Variants in STARD13 observed in about 807,000 individuals in gnomAD.
STARD13 encodes StAR related lipid transfer domain containing 13.
STARD13 carries 62 observed loss-of-function variants against 106.4 expected under a neutral mutation model. The observed-to-expected ratio is 0.58, with a 90% CI of 0.48 to 0.72. The LOEUF is 0.72. Among genes scored for constraint, STARD13 ranks in the 30% least tolerant of loss-of-function variants. The pLI is 0.00. For missense variants in STARD13, 1,387 were observed against 1,424.0 expected (o/e 0.97, Z 0.42); for synonymous variants, 565 against 553.0 (o/e 1.02, Z -0.31).
chr13:33,137,247 G>A (rs1879175440), intron 4 of STARD13, among the ~76,000 whole-genome samples: 2 of 152,194 alleles, frequency 1.3e-5, no homozygotes, highest in African/African-American at 4.8e-5. Context: ...ACTGACAGTT[G>A]AGAAACTGTT....
At chr13:33,400,234 A>C in the STARD13 span, among the ~76,000 whole-genome samples, 5 of 152,134 alleles carry the variant, frequency 3.3e-5, no homozygotes. Context: ...GTGTCTTCAT[A>C]TGTGTTACTT....
chr13:33,467,331 G>C, the STARD13 span, among the ~76,000 whole-genome samples: 13 of 152,030 alleles, frequency 8.6e-5, no homozygotes, highest in Non-Finnish European at 1.9e-4. Context: ...GCACAATTCA[G>C]AGTAGGGTTT....
chr13:33,351,888 T>TCTACACTTCTG (rs895161915), upstream of STARD13, among the ~76,000 whole-genome samples: 11 of 152,352 alleles, frequency 7.2e-5, no homozygotes, highest in East Asian at 1.4e-3. Context: ...AAGTATTCCC[T>TCTACACTTCTG]CTACACTTCT....
At chr13:33,535,726 T>C in the STARD13 span, among the ~76,000 whole-genome samples, 1 of 152,188 alleles carries the variant, frequency 6.6e-6, no homozygotes, top group Non-Finnish European at 1.5e-5. Flanking sequence ...CTGAAGTAAA[T>C]ATGTTCTAGC....
intron 1 of STARD13, among the ~76,000 whole-genome samples, chr13:33,190,991 C>T (rs533257580): frequency 1.3e-5 from 2 of 152,234 alleles, no homozygotes; most frequent in South Asian, 4.1e-4. Context: ...AAACAAAATA[C>T]CAAGTATTAC....
the STARD13 span, among the ~76,000 whole-genome samples, chr13:33,476,704 T>C: frequency 0.29 from 44,193 of 152,208 alleles, 7,542 homozygotes; most frequent in Non-Finnish European, 0.39. Flanking sequence ...TTTAAAGTGC[T>C]GCAGGCAATA....
chr13:33,153,559 T>G (rs968574096), intron 3 of STARD13, among the ~76,000 whole-genome samples: 5 of 151,960 alleles, frequency 3.3e-5, no homozygotes, highest in African/African-American at 1.2e-4. Context: ...AGCAGGGGCG[T>G]TTGACTCAAG....
At chr13:33,360,724 G>GGAATCCTTCTGTGTA in the STARD13 span, among the ~76,000 whole-genome samples, 65 of 137,968 alleles carry the variant, frequency 4.7e-4, no homozygotes, top group Middle Eastern at 3.9e-3. Flanking sequence ...GTAGACAGAA[G>GGAATCCTTCTGTGTA]GACATATTGT....
the STARD13 span, among the ~76,000 whole-genome samples, chr13:33,361,179 C>T: frequency 6.6e-6 from 1 of 151,408 alleles, no homozygotes; most frequent in Non-Finnish European, 1.5e-5. Flanking sequence ...TTCCTCTGCC[C>T]TCCGAGACAG....
At chr13:33,220,322 G>C (rs1888285032) in intron 1 of STARD13, among the ~76,000 whole-genome samples, 1 of 152,176 alleles carries the variant, frequency 6.6e-6, no homozygotes. Context: ...TATTATTTTA[G>C]ATTCTAGAGA....
the STARD13 span, among the ~76,000 whole-genome samples, chr13:33,543,513 TAACA>T: frequency 0.22 from 33,240 of 152,020 alleles, 3,963 homozygotes; most frequent in East Asian, 0.42. Flanking sequence ...CTTGGAGTAC[TAACA>T]GAGTTGTTCT....
At chr13:33,404,035 C>T in the STARD13 span, among the ~76,000 whole-genome samples, 1 of 152,150 alleles carries the variant, frequency 6.6e-6, no homozygotes, top group Non-Finnish European at 1.5e-5. Context: ...AACCTTTCAT[C>T]GTTAGTTTAA....
chr13:33,675,172 C>T, the STARD13 span, among the ~76,000 whole-genome samples: 1 of 152,222 alleles, frequency 6.6e-6, no homozygotes, highest in Admixed American at 6.5e-5. Flanking sequence ...CAGAGAGCCA[C>T]TCTCAGTTCC....
At chr13:33,376,938 C>T in the STARD13 span, among the ~76,000 whole-genome samples, 1 of 152,128 alleles carries the variant, frequency 6.6e-6, no homozygotes, top group Non-Finnish European at 1.5e-5. Context: ...GGCCTGGGGC[C>T]ACTGTGGGGA....
chr13:33,455,766 T>TAAA, the STARD13 span, among the ~76,000 whole-genome samples: 2 of 151,828 alleles, frequency 1.3e-5, no homozygotes, highest in African/African-American at 4.8e-5. Context: ...CCGTCTCTAC[T>TAAA]AAAAAAACAA....
chr13:33,226,089 G>T (rs1204617093), intron 1 of STARD13, among the ~76,000 whole-genome samples: 3 of 152,214 alleles, frequency 2.0e-5, no homozygotes, highest in Non-Finnish European at 4.4e-5. Flanking sequence ...CCATCTGCAA[G>T]CCAGGCATAG....
At chr13:33,491,529 T>C in the STARD13 span, among the ~76,000 whole-genome samples, 3 of 152,326 alleles carry the variant, frequency 2.0e-5, no homozygotes, top group Admixed American at 2.0e-4. Flanking sequence ...TCATCAGTGA[T>C]CTGTGAGACC....
intron 10 of STARD13, 117 bp downstream of exon 10, chr13:33,111,661 C>T (rs1229109944): frequency 5.2e-5 from 35 of 673,148 alleles, no homozygotes. Context: ...ATAACATATA[C>T]TATTGTCATA....
At chr13:33,198,833 C>A (rs1886817639) in intron 1 of STARD13, among the ~76,000 whole-genome samples, 1 of 152,220 alleles carries the variant, frequency 6.6e-6, no homozygotes. Flanking sequence ...CTCTAATGCA[C>A]TTTCTACCAA....
Sources: gnomAD v4.1 joint callset for allele counts (sites outside exome capture counted in the v4.1 genomes callset) on GRCh38, gnomAD v4.1.1 for gene constraint, MANE v1.5 for transcripts, NCBI Gene and HGNC (gene_info 2026-07-23, HGNC 2026-07-21) for gene names.